The following NUP58 variants were observed in gnomAD, a reference collection of about 807,000 sequenced individuals.
NUP58 encodes nucleoporin 58, also known as nucleoporin p58/p45.
In NUP58, 17 loss-of-function variants were observed where a neutral mutation model predicts 70.1. That is an observed-to-expected ratio of 0.24 (90% CI 0.17 to 0.36). The LOEUF (loss-of-function observed/expected upper bound fraction) is 0.36. NUP58 is among the 10% of genes least tolerant of loss of function. The pLI is 1.00. For synonymous variants in NUP58, 275 were observed against 257.6 expected, an observed-to-expected ratio of 1.07 and a Z score of -0.65; for missense variants, 644 against 701.5, an observed-to-expected ratio of 0.92 and a Z score of 0.93.
At chr13:25,312,343 T>C (rs766786819) in intron 3 of NUP58, among the ~76,000 whole-genome samples, 16 of 152,176 alleles carry the variant, frequency 1.1e-4, no homozygotes, top group Admixed American at 4.6e-4. Flanking sequence ...AAAATTGATA[T>C]GTTACATCGA....
At chr13:25,335,944 G>C (rs1593200288) in intron 13 of NUP58, 3 of 1,098,598 alleles carry the variant, frequency 2.7e-6, no homozygotes, top group East Asian at 8.8e-5. Context: ...CCAAATGAGA[G>C]ATTTTTAGAT....
chr13:25,315,881 C>T (rs1210940285), intron 6 of NUP58, among the ~76,000 whole-genome samples: 1 of 151,940 alleles, frequency 6.6e-6, no homozygotes, highest in Non-Finnish European at 1.5e-5. Flanking sequence ...GTGGAATTGC[C>T]CGGGTTCAGA....
At chr13:25,311,663 C>T (rs1451918085) in intron 3 of NUP58, among the ~76,000 whole-genome samples, 4 of 145,566 alleles carry the variant, frequency 2.7e-5, no homozygotes, top group South Asian at 2.2e-4. Flanking sequence ...ACGTGAGCCA[C>T]GGCACCTGTC....
At position 25,301,741 on chromosome 13, in the gene NUP58, C is replaced by A; in HGVS notation, c.-33C>A. On this transcript the variant is annotated 5_prime_UTR_variant, in exon 1 of 16. Transcript: ENST00000381736. ...CGAGAGAAGTGTCCCAGACCCATTT[C>A]GCCTTGCTGACGGCGTCGAGCCCTG... 1 of 1,401,256 alleles carries A rather than the reference C, an allele frequency of 7.1e-7. No individual in the cohort carries two copies. The highest frequency in any genetic ancestry group is 1.2e-5 in the South Asian group (1 of 82,022). The allele number at this position is 1,401,256 out of a possible 1,614,324, so 86.8% of individuals were successfully genotyped here. A position where few individuals can be genotyped will look rare whatever the true frequency, so the allele number is the denominator to read the frequency against.
intron 10 of NUP58, among the ~76,000 whole-genome samples, chr13:25,325,664 G>T (rs748604678): frequency 2.0e-5 from 3 of 152,140 alleles, no homozygotes; most frequent in Admixed American, 2.0e-4. Flanking sequence ...CAGTTTTAGC[G>T]ATAAAGAGAC....
rs532778351 is a variant in NUP58 at position 25,334,656 on chromosome 13, CT to C, written c.1436-2279del. 3.0e-5 allele frequency: 29 copies of C among 980,444 alleles called. 1 individual carries two copies. In the South Asian group the frequency reaches 1.3e-3, roughly 43 times the overall value. 60.7% of individuals were successfully genotyped at this position (980,444 alleles called of 1,614,324 possible). The stretch of plus-strand genomic sequence containing the variant: ...AAAATGTGACTTAGAAATAACCATA[CT>C]AATTACATTAGGCATTTGGGGTGAT... On this transcript the variant is annotated intron_variant, in intron 13 of 15. Transcript: ENST00000381736.
intron 6 of NUP58, among the ~76,000 whole-genome samples, chr13:25,316,839 G>A (rs947985945): frequency 6.6e-6 from 1 of 152,064 alleles, no homozygotes; most frequent in African/African-American, 2.4e-5. Context: ...TGCTTTCATA[G>A]TGTACCTAAG....
intron 6 of NUP58, among the ~76,000 whole-genome samples, chr13:25,318,701 C>T (rs1260843795): frequency 6.6e-6 from 1 of 152,072 alleles, no homozygotes; most frequent in Non-Finnish European, 1.5e-5. Flanking sequence ...TATGAAGTGG[C>T]ATTTTTCACC....
At chr13:25,345,581 C>T (rs1393034182), downstream of NUP58, among the ~76,000 whole-genome samples, 9 of 19,270 alleles carry the variant, frequency 4.7e-4, no homozygotes, top group South Asian at 6.3e-3. Context: ...ATGATGGGGG[C>T]GGTGGGGGGG....
In NUP58 at chr13:25,302,150, G is replaced by T. The variant is rs1481480733; in HGVS notation, c.107+270G>T. Reference sequence around the variant, plus strand: ...TTCAGGCATTATTTGGACCTAGTGGGGTCTTGACTGCGTGGAAGGGCCTTG... The same window carrying T: ...TTCAGGCATTATTTGGACCTAGTGGTGTCTTGACTGCGTGGAAGGGCCTTG... On this transcript the variant is annotated intron_variant, in intron 1 of 15. Transcript: ENST00000381736. 5.9e-5 allele frequency among the ~76,000 whole-genome samples: 9 copies of T among 152,370 alleles called. No homozygotes were observed. In the East Asian group the frequency reaches 1.7e-3, roughly 29 times the overall value.
intron 12 of NUP58, among the ~76,000 whole-genome samples, chr13:25,330,020 G>A (rs1020592722): frequency 6.6e-6 from 1 of 152,072 alleles, no homozygotes; most frequent in African/African-American, 2.4e-5. Flanking sequence ...GTAGAGAGGG[G>A]CACTTGCTGT....
intron 3 of NUP58, among the ~76,000 whole-genome samples, chr13:25,348,192 G>T (rs1338354602): frequency 6.6e-6 from 1 of 152,092 alleles, no homozygotes; most frequent in Non-Finnish European, 1.5e-5. Flanking sequence ...ATTTAAGTGT[G>T]TTTGGAAAAA....
chr13:25,318,241 T>C (rs546963204), intron 6 of NUP58, among the ~76,000 whole-genome samples: 21 of 152,026 alleles, frequency 1.4e-4, no homozygotes, highest in Non-Finnish European at 1.3e-4. Flanking sequence ...GGCAGGAGAA[T>C]TGCTTGAACC....
intron 1 of NUP58, among the ~76,000 whole-genome samples, chr13:25,307,023 A>G (rs951388349): frequency 6.6e-6 from 1 of 152,114 alleles, no homozygotes; most frequent in African/African-American, 2.4e-5. Context: ...ACATTGCCCC[A>G]TGAATGTGGT....
downstream of NUP58, among the ~76,000 whole-genome samples, chr13:25,343,886 T>C (rs1221304674): frequency 1.2e-5 from 1 of 86,388 alleles, no homozygotes; most frequent in East Asian, 7.7e-4. Flanking sequence ...ACACCAACTA[T>C]TCTCTGGATG....
intron 12 of NUP58, among the ~76,000 whole-genome samples, chr13:25,329,884 G>A (rs1593195434): frequency 2.0e-5 from 3 of 152,206 alleles, no homozygotes; most frequent in African/African-American, 7.2e-5. Flanking sequence ...GTGCAGTGGC[G>A]TAATCATGAC....
chr13:25,343,841 A>G (rs1245951346), downstream of NUP58, among the ~76,000 whole-genome samples: 1 of 147,732 alleles, frequency 6.8e-6, no homozygotes, highest in African/African-American at 2.5e-5. Flanking sequence ...ATATATATAT[A>G]CGCACACACA....
At chr13:25,329,446 GAGACCA>G (rs1394257108) in intron 12 of NUP58, among the ~76,000 whole-genome samples, 2 of 152,054 alleles carry the variant, frequency 1.3e-5, no homozygotes, top group African/African-American at 4.8e-5. Context: ...ATAAAACAGT[GAGACCA>G]AGACCACATA....
Position 25,311,673 on chromosome 13 carries a change from C to CT in NUP58, c.287-1189dup, listed in dbSNP as rs149489423. ...TACAGACGTGAGCCACGGCACCTGT[C>CT]TTTTTTTTTTTTTTTTTTTTTAAGG... On this transcript the variant is annotated intron_variant, in intron 3 of 15. Transcript: ENST00000381736. 5.1e-3 allele frequency among the ~76,000 whole-genome samples: 626 copies of CT among 121,912 alleles called. 5 individuals are homozygous for CT. Among genetic ancestry groups the CT allele is most frequent in the South Asian group, 0.011 (40 of 3,672 alleles). 80.0% of individuals were successfully genotyped at this position (121,912 alleles called of 152,430 possible).
Sources: allele counts gnomAD v4.1 joint callset (sites outside exome capture counted in the v4.1 genomes callset), GRCh38; gene constraint gnomAD v4.1.1; transcripts MANE v1.5; gene names NCBI Gene and HGNC (gene_info 2026-07-23, HGNC 2026-07-21).